The following HSPA12A variants were observed in gnomAD, a reference collection of about 807,000 sequenced individuals.
HSPA12A encodes the protein heat shock protein family A (Hsp70) member 12A, also known as heat shock 70 kDa protein 12A.
HSPA12A carries 28 observed loss-of-function variants against 69.2 expected under a neutral mutation model. The ratio of observed to expected loss-of-function variants is 0.40; its 90% CI spans 0.30 to 0.55. The LOEUF is 0.55. Ranked by LOEUF, HSPA12A falls within the 20% of genes least tolerant of loss-of-function variation. The probability of loss-of-function intolerance (pLI) is 0.38; values close to 1 mark genes in which losing one functional copy is unlikely to be tolerated. For missense variants in HSPA12A, 686 were observed against 900.7 expected (o/e 0.76, Z 3.05); for synonymous variants, 345 against 370.5 (o/e 0.93, Z 0.79).
At position 116,674,289 on chromosome 10, in the gene HSPA12A, T is replaced by C. The variant is rs1346933605; in HGVS notation, c.*492A>G. On this transcript the variant is annotated 3_prime_UTR_variant, in exon 12 of 12. Coordinates refer to ENST00000369209, the MANE Select transcript of HSPA12A (RefSeq NM_025015.3). ...TGAATCACCACTTTTAATCACATGA[T>C]GAGGAAAAGAAATTAACTGCAGATG... is the stretch of plus-strand genomic sequence containing the variant. 4 of 162,326 alleles carry C rather than the reference T, an allele frequency of 2.5e-5. No individual in the cohort carries two copies. The highest frequency in any genetic ancestry group is 9.6e-5 in the African/African-American group (4 of 41,596). The allele number at this position is 162,326 out of a possible 1,614,324, so 10.1% of individuals were successfully genotyped here. A position where few individuals can be genotyped will look rare whatever the true frequency, so the allele number is the denominator to read the frequency against.
chr10:116,781,532 C>A (rs763790756), intron 2 of HSPA12A, among the ~76,000 whole-genome samples: 1 of 152,074 alleles, frequency 6.6e-6, no homozygotes, highest in Non-Finnish European at 1.5e-5. Context: ...GGTGCAGGAG[C>A]CCCACAGCCC....
chr10:116,849,786 C>T (rs560632640), upstream of HSPA12A: 59 of 1,461,270 alleles, frequency 4.0e-5, no homozygotes, highest in Middle Eastern at 5.0e-4. Context: ...CCCCGCCCCG[C>T]GCTGCGGCAA....
At chr10:116,789,155 C>A (rs757341109) in intron 2 of HSPA12A, among the ~76,000 whole-genome samples, 1 of 152,062 alleles carries the variant, frequency 6.6e-6, no homozygotes, top group African/African-American at 2.4e-5. Context: ...TGTGAGCCAC[C>A]GCACCCAGCC....
At chr10:116,777,683 C>T (rs2133129243) in intron 2 of HSPA12A, among the ~76,000 whole-genome samples, 1 of 152,342 alleles carries the variant, frequency 6.6e-6, no homozygotes, top group South Asian at 2.1e-4. Flanking sequence ...AGCTTAAGTG[C>T]ATCGACAATA....
intron 1 of HSPA12A, among the ~76,000 whole-genome samples, chr10:116,732,328 C>CGAAAGAAAGAAAGAAAGAAAG (rs1554885907): frequency 8.1e-6 from 1 of 124,076 alleles, no homozygotes; most frequent in Admixed American, 8.6e-5. Context: ...TCAAAAAAAA[C>CGAAAGAAAGAAAGAAAGAAAG]AAAGAAAGAA....
At chr10:116,744,718 G>A (rs1451444498), upstream of HSPA12A, among the ~76,000 whole-genome samples, 1 of 152,222 alleles carries the variant, frequency 6.6e-6, no homozygotes, top group Non-Finnish European at 1.5e-5. Context: ...CGCCAGCGAG[G>A]GGCTGTTGTG....
Position 116,679,679 on chromosome 10 carries a change from T to C in HSPA12A, c.1110A>G (p.Gln370=). Residue 370 remains glutamine (Q), a synonymous_variant, in exon 10 of 12, where the codon CAA becomes CAG. Coordinates refer to ENST00000369209, the MANE Select transcript of HSPA12A (RefSeq NM_025015.3). ...YKIFGEDFIE[Q]FKIKRPAAWV... is the part of the protein sequence containing the mutation. ...AGGCTGCAGGGCGTTTGATTTTGAA[T>C]TGTTCAATAAAATCCTCTCCAAATA... 1 of 1,614,260 alleles carries C rather than the reference T, an allele frequency of 6.2e-7. No homozygotes were observed.
At chr10:116,786,283 T>C (rs184697670) in intron 2 of HSPA12A, among the ~76,000 whole-genome samples, 17 of 152,312 alleles carry the variant, frequency 1.1e-4, no homozygotes, top group Admixed American at 1.1e-3. Flanking sequence ...AGTTTAACTA[T>C]ATTTTTGGTA....
chr10:116,724,908 C>A (rs993901997), intron 1 of HSPA12A, among the ~76,000 whole-genome samples: 45 of 152,292 alleles, frequency 3.0e-4, no homozygotes, highest in African/African-American at 9.9e-4. Context: ...CCACCTGGCC[C>A]CCAGACCCTG....
intron 1 of HSPA12A, among the ~76,000 whole-genome samples, chr10:116,732,346 A>AAGAAAG (rs1851186885): frequency 6.6e-6 from 1 of 150,456 alleles, no homozygotes. Context: ...GAAAGAAAGA[A>AAGAAAG]AGAAAGAGAC....
At chr10:116,804,720 A>G (rs919639623) in intron 2 of HSPA12A, among the ~76,000 whole-genome samples, 1 of 152,034 alleles carries the variant, frequency 6.6e-6, no homozygotes, top group Non-Finnish European at 1.5e-5. Flanking sequence ...CCCTCAGTAA[A>G]TGCTTCCCTT....
At chr10:116,738,092 C>G (rs1240512309) in intron 1 of HSPA12A, among the ~76,000 whole-genome samples, 1 of 152,176 alleles carries the variant, frequency 6.6e-6, no homozygotes, top group Non-Finnish European at 1.5e-5. Flanking sequence ...TTCTCCCTTA[C>G]CAAAGAGGCC....
intron 2 of HSPA12A, among the ~76,000 whole-genome samples, chr10:116,812,803 G>A (rs539246674): frequency 4.6e-5 from 7 of 152,300 alleles, no homozygotes; most frequent in African/African-American, 1.7e-4. Context: ...CAGGGTCGAC[G>A]TCAAAGAGGC....
intron 2 of HSPA12A, among the ~76,000 whole-genome samples, chr10:116,764,774 C>G (rs192254224): frequency 2.6e-4 from 39 of 152,070 alleles, no homozygotes; most frequent in Admixed American, 2.6e-3. Context: ...TAAATAGAAA[C>G]AAATAAACCT....
chr10:116,678,631 T>C (rs1849313112), intron 10 of HSPA12A, among the ~76,000 whole-genome samples: 1 of 151,620 alleles, frequency 6.6e-6, no homozygotes, highest in South Asian at 2.1e-4. Context: ...TAATGTTAAT[T>C]AGATACTTGA....
At chr10:116,758,281 A>G (rs1454417701) in intron 2 of HSPA12A, among the ~76,000 whole-genome samples, 4 of 152,056 alleles carry the variant, frequency 2.6e-5, no homozygotes, top group Non-Finnish European at 4.4e-5. Flanking sequence ...CCCCACACTC[A>G]TTCCCCTTTC....
At chr10:116,724,167 G>A (rs1850873564) in intron 1 of HSPA12A, among the ~76,000 whole-genome samples, 1 of 152,190 alleles carries the variant, frequency 6.6e-6, no homozygotes, top group African/African-American at 2.4e-5. Flanking sequence ...GTGGCTGGAG[G>A]CAGGGCCACA....
intron 10 of HSPA12A, among the ~76,000 whole-genome samples, chr10:116,678,102 G>T (rs782114312): frequency 3.3e-5 from 5 of 151,768 alleles, no homozygotes; most frequent in Non-Finnish European, 7.4e-5. Flanking sequence ...TCTCTCTCTA[G>T]GAGTATTCTA....
intron 2 of HSPA12A, among the ~76,000 whole-genome samples, chr10:116,706,941 G>A (rs1242118347): frequency 6.6e-6 from 1 of 152,090 alleles, no homozygotes; most frequent in East Asian, 1.9e-4. Context: ...ACCCACCCAG[G>A]CCCCTGCTCC....
Sources: allele counts gnomAD v4.1 joint callset (sites outside exome capture counted in the v4.1 genomes callset), GRCh38; gene constraint gnomAD v4.1.1; transcripts MANE v1.5; gene names NCBI Gene and HGNC (gene_info 2026-07-23, HGNC 2026-07-21).